The following KRTCAP3 variants were observed in gnomAD, a reference collection of about 807,000 sequenced individuals.
The protein encoded by KRTCAP3 is keratinocyte-associated protein 3.
A neutral mutation model predicts 20.5 loss-of-function variants in KRTCAP3; 18 were observed. The observed-to-expected ratio is 0.88, with a 90% CI of 0.61 to 1.31. KRTCAP3 has a LOEUF of 1.31. Among genes scored for constraint, KRTCAP3 ranks in the 50% most tolerant of loss-of-function variants. The pLI is 0.00. For synonymous variants in KRTCAP3, 167 were observed against 133.7 expected (o/e 1.25, Z -1.72); for missense variants, 347 against 310.4 (o/e 1.12, Z -0.89).
Position 27,443,933 on chromosome 2 carries a change from C to G in KRTCAP3, c.616-16C>G. 7 of 1,440,700 alleles carry G rather than the reference C, an allele frequency of 4.9e-6. No homozygotes were observed. Among genetic ancestry groups the G allele is most frequent in the Non-Finnish European group, 5.9e-6 (6 of 1,021,614 alleles). 89.2% of individuals were successfully genotyped at this position (1,440,700 alleles called of 1,614,324 possible). On this transcript the variant is annotated splice_polypyrimidine_tract_variant and intron_variant, in intron 5 of 6. Coordinates refer to ENST00000288873, the MANE Select transcript of KRTCAP3 (RefSeq NM_173853.4). ...TCATTCAGGGCGAGGGTGTCTAACT[C>G]TATCTTCTTCTGCAGCTAGAGGAAA...
chr2:27,445,311 G>A (rs775285304), downstream of KRTCAP3: 13 of 1,612,728 alleles, frequency 8.1e-6, no homozygotes, highest in Admixed American at 1.2e-4. The surrounding 1 kb of genome is among the most constrained non-coding windows in gnomAD (Gnocchi z 4.4). Context: ...ATAAGGCAGG[G>A]CAGGGCTCGA....
rs372854890 is a variant in KRTCAP3, at chr2:27,443,056, A to T, written c.274-18A>T. Reference sequence around the variant, plus strand: ...AGCCAGGCCCAGGCTGCTCACCCTGATCTCCTGTCCCTGCCAGCACTGGGT... The same window carrying T: ...AGCCAGGCCCAGGCTGCTCACCCTGTTCTCCTGTCCCTGCCAGCACTGGGT... On this transcript the variant is annotated intron_variant, in intron 3 of 6. Transcript: ENST00000288873. 1 of 1,609,240 alleles carries T rather than the reference A, an allele frequency of 6.2e-7. No homozygotes were observed. Among genetic ancestry groups the T allele is most frequent in the African/African-American group, 1.3e-5 (1 of 74,820 alleles).
intron 4 of KRTCAP3, 53 bp from the exon 5 acceptor site, chr2:27,443,345 A>G (rs1664737564): frequency 6.2e-7 from 1 of 1,613,190 alleles, no homozygotes; most frequent in Non-Finnish European, 8.5e-7. Flanking sequence ...AATTTCCCCT[A>G]TTTGCTGCAC....
At chr2:27,443,843 T>C in intron 5 of KRTCAP3, 106 bp from the exon 6 acceptor site, 1 of 737,766 alleles carries the variant, frequency 1.4e-6, no homozygotes, top group Non-Finnish European at 2.4e-6. Context: ...GCCACTGCAC[T>C]CCAGCCTGGG....
downstream of KRTCAP3, chr2:27,446,423 G>A: frequency 1.5e-6 from 2 of 1,357,834 alleles, no homozygotes; most frequent in South Asian, 1.2e-5. Flanking sequence ...CAATGATCCT[G>A]TAAGGCAGCC....
chr2:27,444,430 A>G (rs4803), downstream of KRTCAP3: 640,497 of 1,597,070 alleles, frequency 0.4, 134,840 homozygotes, highest in African/African-American at 0.67. Flanking sequence ...CAGCTCTACC[A>G]ACTACTGAAA....
rs1664741770 is a variant in KRTCAP3 at position 27,443,398 on chromosome 2, G to A, written c.481G>A (p.Asp161Asn). ...ACTCCCCATCCTTCTTGCTTTTCAG[G>A]ATACAGCCTTGGCTCTCTGGATCCC... The part of the protein sequence containing the change: ...DCPFDPTRIY[D>N]TALALWIPSL... The change falls in exon 5 of 7, where the codon GAT (aspartate) becomes AAT (asparagine). Residue 161 changes from aspartate to asparagine, a missense_variant and splice_region_variant. Physicochemically the swap from Asp to Asn is conservative, Grantham distance 23 (BLOSUM62 1). Coordinates refer to ENST00000288873, the MANE Select transcript of KRTCAP3 (RefSeq NM_173853.4). 2 of 1,614,122 alleles carry A rather than the reference G, an allele frequency of 1.2e-6. No homozygotes were observed. Among genetic ancestry groups the A allele is most frequent in the Non-Finnish European group, 1.7e-6 (2 of 1,180,030 alleles).
Position 27,442,773 on chromosome 2 carries a change from G to A in KRTCAP3, c.213+10G>A. 6.2e-7 allele frequency: 1 copy of A among 1,611,080 alleles called. No homozygotes were observed. The highest frequency in any genetic ancestry group is 8.5e-7 in the Non-Finnish European group (1 of 1,179,258). On this transcript the variant is annotated intron_variant, in intron 2 of 6. Coordinates refer to ENST00000288873, the MANE Select transcript of KRTCAP3 (RefSeq NM_173853.4). Reference sequence around the variant, plus strand: ...CGGCTCGGGGCTGCTGGTGAGCGCGGCAGGCGACCCGGGCGGGGGCCGGGC... The same window carrying A: ...CGGCTCGGGGCTGCTGGTGAGCGCGACAGGCGACCCGGGCGGGGGCCGGGC...
In KRTCAP3 at chr2:27,443,128, T is replaced by C; in HGVS notation, c.328T>C (p.Ser110Pro). 1 of 1,613,932 alleles carries C rather than the reference T, an allele frequency of 6.2e-7. No individual in the cohort carries two copies. The highest frequency in any genetic ancestry group is 2.2e-5 in the East Asian group (1 of 44,870). Residue 110 changes from serine to proline, a missense_variant, in exon 4 of 7, where the codon TCC becomes CCC. By Grantham distance (74) the Ser-to-Pro change is moderately conservative (BLOSUM62 -1). Coordinates refer to ENST00000288873, the MANE Select transcript of KRTCAP3 (RefSeq NM_173853.4). Reference protein sequence around the residue: ...LVNLLLSVACSLGLLLAVSLT... With the variant: ...LVNLLLSVACPLGLLLAVSLT... ...GAACCTGCTCTTGTCCGTTGCCTGC[T>C]CCCTGGGCCTCCTTCTTGCTGTGTC...
At chr2:27,444,961 CT>C (rs1558347706), downstream of KRTCAP3, 1 of 1,531,900 alleles carries the variant, frequency 6.5e-7, no homozygotes, top group African/African-American at 1.4e-5. Flanking sequence ...GTTTTTTTTT[CT>C]TTTTTTAGTG....
downstream of KRTCAP3, chr2:27,446,184 C>G: frequency 6.8e-7 from 1 of 1,463,930 alleles, no homozygotes; most frequent in Non-Finnish European, 9.6e-7. Context: ...TTTCCTCTAC[C>G]AGAGCAGAAG....
At position 27,443,160 on chromosome 2, in the gene KRTCAP3, T is replaced by C. The variant is rs151284588; in HGVS notation, c.360T>C (p.Thr120=). 3.7e-4 allele frequency: 595 copies of C among 1,614,166 alleles called. 6 individuals are homozygous for C. In the African/African-American group the frequency reaches 7.3e-3, roughly 20 times the overall value. Residue 120 remains threonine (T), a synonymous_variant, in exon 4 of 7, where the codon ACT becomes ACC. Transcript: ENST00000288873. The part of the protein sequence containing the change: ...SLGLLLAVSL[T]VANGGRRLIA... The stretch of plus-strand genomic sequence containing the variant: ...GCCTCCTTCTTGCTGTGTCACTCAC[T>C]GTGGCCAACGGTGGCCGCCGCCTTA...
At position 27,442,583 on chromosome 2, in the gene KRTCAP3, C is replaced by T. The variant is rs747901419; in HGVS notation, c.33C>T (p.Ala11=). 6 of 1,526,074 alleles carry T rather than the reference C, an allele frequency of 3.9e-6. No individual in the cohort carries two copies. Among genetic ancestry groups the T allele is most frequent in the Non-Finnish European group, 3.5e-6 (4 of 1,138,656 alleles). The allele number at this position is 1,526,074 out of a possible 1,614,324, so 94.5% of individuals were successfully genotyped here. ...GCCCTCCCCCGTGCTTTGCAGACGC[C>T]GCCCGGGGGCCCAGGCGGCTGATGC... is the stretch of plus-strand genomic sequence containing the variant. MRRCSLCAFD[A]ARGPRRLMRV... The change falls in exon 2 of 7, where the codon GCC becomes GCT. Residue 11 remains alanine (A), a synonymous_variant. Coordinates refer to ENST00000288873, the MANE Select transcript of KRTCAP3 (RefSeq NM_173853.4).
chr2:27,442,655 G>C lies in KRTCAP3; in HGVS notation c.105G>C (p.Leu35=), dbSNP rs1252932362. 5.1e-6 allele frequency: 8 copies of C among 1,581,482 alleles called. No homozygotes were observed. The highest frequency in any genetic ancestry group is 6.9e-6 in the Non-Finnish European group (8 of 1,164,054). ...LILVGHVNLL[L]GAVLHGTVLR... ...TGGTGGGCCACGTGAACCTGCTGCT[G>C]GGGGCCGTGCTGCATGGCACCGTCC... is the stretch of plus-strand genomic sequence containing the variant. Residue 35 remains leucine, a synonymous_variant, in exon 2 of 7, where the codon CTG becomes CTC. Coordinates refer to ENST00000288873, the MANE Select transcript of KRTCAP3 (RefSeq NM_173853.4).
chr2:27,444,099 G>C (rs1488449446), intron 6 of KRTCAP3, 38 bp downstream of exon 6: 1 of 1,223,628 alleles, frequency 8.2e-7, no homozygotes, highest in Non-Finnish European at 1.2e-6. Context: ...GGTAAGAGCG[G>C]GGACAAGGAA....
chr2:27,444,259 G>A lies in KRTCAP3; in HGVS notation c.*79G>A. The A allele has an allele frequency of 3.1e-6, 2 of 646,852 alleles. No homozygotes were observed. The highest frequency in any genetic ancestry group is 5.4e-6 in the Non-Finnish European group (2 of 367,164). The allele number at this position is 646,852 out of a possible 1,614,324, so 40.1% of individuals were successfully genotyped here. A position where few individuals can be genotyped will look rare whatever the true frequency, so the allele number is the denominator to read the frequency against. On this transcript the variant is annotated 3_prime_UTR_variant, in exon 7 of 7. Coordinates refer to ENST00000288873, the MANE Select transcript of KRTCAP3 (RefSeq NM_173853.4). The stretch of plus-strand genomic sequence containing the variant: ...GCAAGGGGCCCTGACCTCGGGATGA[G>A]ATAACAAATTGTAATAAAGTAACTT...
downstream of KRTCAP3, chr2:27,445,242 G>T: frequency 1.3e-6 from 2 of 1,586,688 alleles, no homozygotes; most frequent in Non-Finnish European, 1.7e-6. The surrounding 1 kb of genome is among the most constrained non-coding windows in gnomAD (Gnocchi z 4.4). Context: ...TAAGTTTATT[G>T]ATCCTGCTGC....
chr2:27,445,910 G>A (rs371490518), downstream of KRTCAP3: 22 of 1,614,074 alleles, frequency 1.4e-5, no homozygotes, highest in Non-Finnish European at 1.8e-5. The surrounding 1 kb of genome is among the most constrained non-coding windows in gnomAD (Gnocchi z 4.4). Context: ...CACCCTCGGG[G>A]CACAGCTTCC....
rs1187362443 is a variant in KRTCAP3 at position 27,443,402 on chromosome 2, C to T, written c.485C>T (p.Thr162Ile). The change falls in exon 5 of 7, where the codon ACA becomes ATA. Residue 162 changes from threonine (T) to isoleucine (I), a missense_variant. Transcript: ENST00000288873. ...CPFDPTRIYDTALALWIPSLL... is the reference protein window; with the variant it reads ...CPFDPTRIYDIALALWIPSLL... ...CCCATCCTTCTTGCTTTTCAGGATA[C>T]AGCCTTGGCTCTCTGGATCCCTTCT... The T allele has an allele frequency of 1.2e-6, 2 of 1,614,200 alleles. No individual in the cohort carries two copies. The highest frequency in any genetic ancestry group is 1.7e-5 in the Admixed American group (1 of 60,022).
Sources: allele counts gnomAD v4.1 joint callset, GRCh38; gene constraint gnomAD v4.1.1; non-coding constraint Gnocchi (gnomAD v3.1); transcripts MANE v1.5; gene names NCBI Gene and HGNC (gene_info 2026-07-23, HGNC 2026-07-21).